RSRC1: variants seen among roughly 807,000 people sequenced by gnomAD.
The protein encoded by RSRC1 is serine/Arginine-related protein 53.
A neutral mutation model predicts 49.1 loss-of-function variants in RSRC1; 39 were observed. The observed-to-expected ratio is 0.79, with a 90% confidence interval of 0.61 to 1.04. The LOEUF is 1.04. RSRC1 is among the 50% of genes least tolerant of loss of function. The pLI is 0.00. For missense variants in RSRC1, 388 were observed against 402.4 expected, an observed-to-expected ratio of 0.96 and a Z score of 0.31; for synonymous variants, 143 against 130.8, an observed-to-expected ratio of 1.09 and a Z score of -0.63.
chr3:158,307,674 T>G (rs1258141787), intron 5 of RSRC1, among the ~76,000 whole-genome samples: 1 of 151,888 alleles, frequency 6.6e-6, no homozygotes, highest in Non-Finnish European at 1.5e-5. Context: ...AGACAAACTT[T>G]CAAGCAATGT....
chr3:158,395,283 C>T (rs1175244396), intron 6 of RSRC1, among the ~76,000 whole-genome samples: 1 of 151,712 alleles, frequency 6.6e-6, no homozygotes, highest in Admixed American at 6.6e-5. Context: ...AAAGATTTCA[C>T]GACGAAGATA....
intron 6 of RSRC1, among the ~76,000 whole-genome samples, chr3:158,457,730 G>T (rs1338766765): frequency 8.4e-6 from 1 of 119,624 alleles, no homozygotes; most frequent in East Asian, 2.2e-4. Context: ...TGTGTTTTGT[G>T]TTTTTTTTTG....
At chr3:158,405,974 A>AT (rs1734143683) in intron 6 of RSRC1, among the ~76,000 whole-genome samples, 2 of 152,218 alleles carry the variant, frequency 1.3e-5, no homozygotes, top group African/African-American at 4.8e-5. Flanking sequence ...TTACATGAAA[A>AT]TTTATGTCAA....
intron 7 of RSRC1, among the ~76,000 whole-genome samples, chr3:158,480,100 A>G (rs1738548330): frequency 6.6e-6 from 1 of 152,038 alleles, no homozygotes; most frequent in South Asian, 2.1e-4. Context: ...AAAGGAATCA[A>G]GGTCATACAA....
At chr3:158,217,116 G>A (rs1721985094) in intron 4 of RSRC1, among the ~76,000 whole-genome samples, 1 of 151,528 alleles carries the variant, frequency 6.6e-6, no homozygotes, top group African/African-American at 2.4e-5. Context: ...CCCACCAAGA[G>A]GAGAATTAAA....
At chr3:158,276,326 C>G in intron 4 of RSRC1, 3 of 764,470 alleles carry the variant, frequency 3.9e-6, no homozygotes, top group Admixed American at 3.5e-5. Flanking sequence ...GAGCAGAGAG[C>G]TGGCGGTACT....
At chr3:158,285,898 T>C (rs1282798081) in intron 4 of RSRC1, among the ~76,000 whole-genome samples, 2 of 152,252 alleles carry the variant, frequency 1.3e-5, no homozygotes, top group Non-Finnish European at 2.9e-5. Context: ...CTCTCCTGCC[T>C]AATTGCCCTG....
intron 7 of RSRC1, among the ~76,000 whole-genome samples, chr3:158,498,073 G>A (rs2108456347): frequency 6.6e-6 from 1 of 152,090 alleles, no homozygotes; most frequent in Non-Finnish European, 1.5e-5. Flanking sequence ...TTTTCCTTTG[G>A]GTAGATAGAT....
At chr3:158,184,654 G>A (rs1719823835) in intron 3 of RSRC1, among the ~76,000 whole-genome samples, 2 of 152,094 alleles carry the variant, frequency 1.3e-5, no homozygotes, top group Admixed American at 1.3e-4. Flanking sequence ...ATCTTAACTG[G>A]TAAACTATTA....
intron 6 of RSRC1, among the ~76,000 whole-genome samples, chr3:158,419,370 A>G (rs1734917859): frequency 6.6e-6 from 1 of 151,886 alleles, no homozygotes; most frequent in Admixed American, 6.6e-5. Flanking sequence ...GCATCCACAA[A>G]TAGAGAGTGG....
intron 7 of RSRC1, among the ~76,000 whole-genome samples, chr3:158,528,127 A>G (rs74767115): frequency 0.017 from 2,569 of 152,084 alleles, 77 homozygotes; most frequent in African/African-American, 0.058. Flanking sequence ...ATGCAAAGAT[A>G]TAAAAGATAG....
intron 5 of RSRC1, among the ~76,000 whole-genome samples, chr3:158,341,147 G>C (rs1560001280): frequency 6.6e-6 from 1 of 152,116 alleles, no homozygotes; most frequent in Non-Finnish European, 1.5e-5. Flanking sequence ...TTTGCAGCCT[G>C]ACTACGCAAT....
intron 6 of RSRC1, among the ~76,000 whole-genome samples, chr3:158,401,343 C>T (rs971537280): frequency 8.6e-5 from 13 of 151,982 alleles, no homozygotes; most frequent in Non-Finnish European, 1.5e-4. Context: ...TTTCCTTAGT[C>T]CCACTGCTAG....
intron 1 of RSRC1, among the ~76,000 whole-genome samples, chr3:158,118,465 G>A (rs1169676600): frequency 2.2e-5 from 3 of 139,280 alleles, no homozygotes; most frequent in Admixed American, 2.1e-4. Context: ...GTGTGTGTGC[G>A]CGTGCGCGTG....
At chr3:158,522,584 C>A (rs1576606054) in intron 7 of RSRC1, among the ~76,000 whole-genome samples, 1 of 152,058 alleles carries the variant, frequency 6.6e-6, no homozygotes, top group South Asian at 2.1e-4. Flanking sequence ...GATAAAGTAG[C>A]GTCAAAATGA....
chr3:158,181,862 C>T (rs986997107), intron 3 of RSRC1, among the ~76,000 whole-genome samples: 2 of 152,096 alleles, frequency 1.3e-5, no homozygotes, highest in African/African-American at 4.8e-5. Flanking sequence ...TTTATTCATT[C>T]TTAACAAATA....
intron 3 of RSRC1, among the ~76,000 whole-genome samples, chr3:158,149,970 A>T (rs1717424603): frequency 6.6e-6 from 1 of 152,150 alleles, no homozygotes. Context: ...GATAAAGAGG[A>T]TTTCTGTGGT....
intron 4 of RSRC1, among the ~76,000 whole-genome samples, chr3:158,254,096 C>G (rs1223843594): frequency 6.6e-6 from 1 of 152,184 alleles, no homozygotes; most frequent in Non-Finnish European, 1.5e-5. Context: ...GACATGAACT[C>G]ATCCTTTTTT....
intron 4 of RSRC1, among the ~76,000 whole-genome samples, chr3:158,288,105 TA>T: frequency 6.6e-6 from 1 of 152,332 alleles, no homozygotes; most frequent in Non-Finnish European, 1.5e-5. Context: ...AAAATTATTT[TA>T]AATTAATTAA....
Sources: gnomAD v4.1 joint callset for allele counts (sites outside exome capture counted in the v4.1 genomes callset) on GRCh38, gnomAD v4.1.1 for gene constraint, MANE v1.5 for transcripts, NCBI Gene and HGNC (gene_info 2026-07-23, HGNC 2026-07-21) for gene names.